ADARB1: variants seen among roughly 807,000 people sequenced by gnomAD.
ADARB1 encodes adenosine deaminase RNA specific B1.
In ADARB1, 10 loss-of-function variants were observed where a neutral mutation model predicts 52.4. The ratio of observed to expected loss-of-function variants is 0.19; its 90% CI spans 0.12 to 0.32. ADARB1 has a LOEUF of 0.32. ADARB1 is among the 10% of genes least tolerant of loss of function. The pLI, the probability that ADARB1 is intolerant of heterozygous loss-of-function variation, is 1.00. For synonymous variants in ADARB1, 349 were observed against 371.1 expected, an observed-to-expected ratio of 0.94 and a Z score of 0.68; for missense variants, 643 against 922.3, an observed-to-expected ratio of 0.70 and a Z score of 3.92.
chr21:45,105,288 A>G (rs1882262743), intron 1 of ADARB1, among the ~76,000 whole-genome samples: 1 of 152,138 alleles, frequency 6.6e-6, no homozygotes, highest in South Asian at 2.1e-4. Flanking sequence ...TTTAGTAGAG[A>G]TGAGGTTTCA....
intron 5 of ADARB1, chr21:45,181,584 G>GTTGTTGTTGTTTTGTTT (rs1448128313): frequency 3.3e-5 from 5 of 152,830 alleles, no homozygotes; most frequent in Non-Finnish European, 7.3e-5. Context: ...TCGTTTTGTT[G>GTTGTTGTTGTTTTGTTT]TTGTTGTTGT....
chr21:45,092,434 T>C (rs906205974), intron 1 of ADARB1, among the ~76,000 whole-genome samples: 2 of 152,264 alleles, frequency 1.3e-5, no homozygotes, highest in African/African-American at 2.4e-5. Flanking sequence ...TGGAAATATC[T>C]GTTATCTATT....
chr21:45,091,932 A>C (rs1307144520), intron 1 of ADARB1, among the ~76,000 whole-genome samples: 1 of 152,230 alleles, frequency 6.6e-6, no homozygotes, highest in Non-Finnish European at 1.5e-5. Context: ...TTGCAAAATT[A>C]ATTTGTCTTT....
chr21:45,114,537 C>G (rs2087724877), intron 1 of ADARB1, among the ~76,000 whole-genome samples: 1 of 152,094 alleles, frequency 6.6e-6, no homozygotes, highest in Middle Eastern at 3.2e-3. Context: ...TTTTAAAGGT[C>G]CGACTATACT....
At chr21:45,173,033 G>C (rs1365068823) in intron 3 of ADARB1, among the ~76,000 whole-genome samples, 1 of 152,234 alleles carries the variant, frequency 6.6e-6, no homozygotes, top group Non-Finnish European at 1.5e-5. Context: ...AGCATGTGCA[G>C]GGGTCCTCAG....
intron 2 of ADARB1, among the ~76,000 whole-genome samples, chr21:45,171,095 G>C (rs971274605): frequency 6.6e-6 from 1 of 152,250 alleles, no homozygotes; most frequent in Non-Finnish European, 1.5e-5. Flanking sequence ...TCTACCCAGA[G>C]TAAAGATAGA....
chr21:45,110,265 C>T (rs949854364), intron 1 of ADARB1, among the ~76,000 whole-genome samples: 2 of 152,156 alleles, frequency 1.3e-5, no homozygotes, highest in East Asian at 1.9e-4. Flanking sequence ...GCATGTTTAG[C>T]GTTTTCCATT....
At chr21:45,102,848 C>T (rs991717551) in intron 1 of ADARB1, among the ~76,000 whole-genome samples, 7 of 152,168 alleles carry the variant, frequency 4.6e-5, no homozygotes, top group African/African-American at 1.7e-4. Context: ...CAACCCTTAC[C>T]CCAAGGCAAG....
At chr21:45,161,737 A>G (rs2090981462) in intron 2 of ADARB1, among the ~76,000 whole-genome samples, 1 of 152,206 alleles carries the variant, frequency 6.6e-6, no homozygotes, top group Admixed American at 6.5e-5. Context: ...CCTGGGGCCC[A>G]GGCTGTCAGT....
rs1451102291 is a variant in ADARB1, at chr21:45,155,972, C to G, written c.-47-15638C>G. ...TCCATCATCCAGCCATCCACCCACCCACCCACCATCACCCATTACCCATCA... is the reference window on the plus strand; with the variant it reads ...TCCATCATCCAGCCATCCACCCACCGACCCACCATCACCCATTACCCATCA... On this transcript the variant is annotated intron_variant, in intron 2 of 10. Coordinates refer to ENST00000348831, the MANE Select transcript of ADARB1 (RefSeq NM_001112.4). Among the ~76,000 whole-genome samples the G allele has an allele frequency of 1.3e-3, 7 of 5,440 alleles. 1 individual carries two copies. Among genetic ancestry groups the G allele is most frequent in the African/African-American group, 4.1e-3 (7 of 1,714 alleles). The allele number at this position is 5,440 out of a possible 152,430, so 3.6% of individuals were successfully genotyped here.
intron 1 of ADARB1, among the ~76,000 whole-genome samples, chr21:45,076,427 CCT>C (rs1409573887): frequency 1.3e-5 from 2 of 152,142 alleles, no homozygotes; most frequent in African/African-American, 4.8e-5. Flanking sequence ...TGAGTGATGC[CCT>C]GTTAGATGTC....
intron 1 of ADARB1, among the ~76,000 whole-genome samples, chr21:45,111,938 G>C (rs980656616): frequency 6.6e-6 from 1 of 152,238 alleles, no homozygotes; most frequent in Non-Finnish European, 1.5e-5. Context: ...CATGGTGCCT[G>C]GTTGGGCACT....
At chr21:45,189,226 A>G (rs2092211442) in intron 8 of ADARB1, among the ~76,000 whole-genome samples, 1 of 152,036 alleles carries the variant, frequency 6.6e-6, no homozygotes, top group Non-Finnish European at 1.5e-5. Context: ...TCCGTGGGGT[A>G]CAAAATCTCA....
chr21:45,174,481 T>A (rs1178928630), intron 3 of ADARB1, among the ~76,000 whole-genome samples: 1 of 152,116 alleles, frequency 6.6e-6, no homozygotes, highest in Non-Finnish European at 1.5e-5. Context: ...GGCAGGCGGA[T>A]CACCTGAGGT....
At chr21:45,216,189 ATCTTC>A (rs1189204943) in intron 9 of ADARB1, among the ~76,000 whole-genome samples, 6 of 152,076 alleles carry the variant, frequency 3.9e-5, no homozygotes, top group African/African-American at 7.2e-5. Flanking sequence ...GATGATTTGT[ATCTTC>A]TCTTGGTTGT....
intron 1 of ADARB1, among the ~76,000 whole-genome samples, chr21:45,113,642 T>A (rs900089098): frequency 1.3e-5 from 2 of 151,962 alleles, no homozygotes; most frequent in African/African-American, 4.8e-5. Flanking sequence ...TAACAGCCAC[T>A]AGGAAGCTGC....
intron 2 of ADARB1, among the ~76,000 whole-genome samples, chr21:45,143,931 T>C (rs2089876669): frequency 6.6e-6 from 1 of 152,212 alleles, no homozygotes; most frequent in Non-Finnish European, 1.5e-5. Context: ...ATGACCCCCA[T>C]TGTCCCCATT....
At chr21:45,140,727 G>A (rs2089676626) in intron 2 of ADARB1, among the ~76,000 whole-genome samples, 1 of 152,168 alleles carries the variant, frequency 6.6e-6, no homozygotes, top group South Asian at 2.1e-4. Context: ...ACCATTTAGA[G>A]GACCTGTGAA....
At chr21:45,175,651 G>A (rs370534548) in intron 3 of ADARB1, 79 bp from the exon 4 acceptor site, 3 of 1,413,276 alleles carry the variant, frequency 2.1e-6, no homozygotes, top group Non-Finnish European at 2.0e-6. Flanking sequence ...TACAAAGAGA[G>A]CTAAAGGAAT....
Sources: allele counts gnomAD v4.1 joint callset (sites outside exome capture counted in the v4.1 genomes callset), GRCh38; gene constraint gnomAD v4.1.1; transcripts MANE v1.5; gene names NCBI Gene and HGNC (gene_info 2026-07-23, HGNC 2026-07-21).